The following SLC22A4 variants were observed in gnomAD, a reference collection of about 807,000 sequenced individuals.
The protein encoded by SLC22A4 is ET transporter.
A neutral mutation model predicts 56.6 loss-of-function variants in SLC22A4; 39 were observed. The ratio of observed to expected loss-of-function variants is 0.69; its 90% confidence interval spans 0.53 to 0.90. SLC22A4 has a LOEUF of 0.90. Ranked by LOEUF, SLC22A4 falls within the 40% of genes least tolerant of loss-of-function variation. SLC22A4 has a pLI of 0.00. For synonymous variants in SLC22A4, 241 were observed against 281.4 expected, an observed-to-expected ratio of 0.86 and a Z score of 1.44; for missense variants, 594 against 696.5, an observed-to-expected ratio of 0.85 and a Z score of 1.66.
At chr5:132,314,826 G>T (rs900958354) in intron 3 of SLC22A4, among the ~76,000 whole-genome samples, 1 of 152,158 alleles carries the variant, frequency 6.6e-6, no homozygotes, top group Admixed American at 6.5e-5. Context: ...AATTATTTGC[G>T]AAGAGCCCCG....
In SLC22A4 at chr5:132,343,805, A is replaced by C; in HGVS notation, c.1626A>C (p.Glu542Asp). 2 of 1,609,716 alleles carry C rather than the reference A, an allele frequency of 1.2e-6. No individual in the cohort carries two copies. Among genetic ancestry groups the C allele is most frequent in the Non-Finnish European group, 1.7e-6 (2 of 1,176,300 alleles). Reference protein sequence around the residue: ...KKTRDSMETEENPKVLITAF With the variant: ...KKTRDSMETEDNPKVLITAF Reference sequence around the variant, plus strand: ...CAAGAGACTCAATGGAGACAGAAGAAAATCCCAAGGTTCTAATAACTGCAT... The same window carrying C: ...CAAGAGACTCAATGGAGACAGAAGACAATCCCAAGGTTCTAATAACTGCAT... Residue 542 changes from glutamate to aspartate, a missense_variant, in exon 10 of 10, where the codon GAA becomes GAC. Glu to Asp is a conservative substitution (Grantham distance 45, BLOSUM62 2). Coordinates refer to ENST00000200652, the MANE Select transcript of SLC22A4 (RefSeq NM_003059.3).
At chr5:132,300,325 C>T (rs945122544) in intron 1 of SLC22A4, among the ~76,000 whole-genome samples, 4 of 152,142 alleles carry the variant, frequency 2.6e-5, no homozygotes, top group African/African-American at 9.7e-5. Context: ...TCCTCTGTCA[C>T]TAATAAATAT....
In SLC22A4 at chr5:132,294,774, C is replaced by T. The variant is rs531041134; in HGVS notation, c.158C>T (p.Pro53Leu). The change falls in exon 1 of 10, where the codon CCG becomes CTG. Residue 53 changes from proline (P) to leucine (L), a missense_variant. Physicochemically the swap from Pro to Leu is moderately conservative, Grantham distance 98. Coordinates refer to ENST00000200652, the MANE Select transcript of SLC22A4 (RefSeq NM_003059.3). This position sits in a 1 kb window ranked among gnomAD's most constrained non-coding sequence, Gnocchi z 5.6. ...ACCCCGGAGCACCGCTGTCGAGTGC[C>T]GGACGCCGCGAACCTGAGCAGCGCC... is the stretch of plus-strand genomic sequence containing the variant. The part of the protein sequence containing the change: ...AGTPEHRCRV[P>L]DAANLSSAWR... 11 of 1,613,520 alleles carry T rather than the reference C, an allele frequency of 6.8e-6. No individual in the cohort carries two copies. The African/African-American group carries it at 1.1e-4, about 16-fold the overall frequency.
chr5:132,340,810 T>G, intron 9 of SLC22A4, 110 bp downstream of exon 9: 16 of 1,090,900 alleles, frequency 1.5e-5, no homozygotes, highest in Non-Finnish European at 2.1e-5. Context: ...AGACTAGCTC[T>G]ATCAGATAAT....
chr5:132,320,308 C>T (rs779015062), intron 3 of SLC22A4, among the ~76,000 whole-genome samples: 2 of 152,232 alleles, frequency 1.3e-5, no homozygotes, highest in Non-Finnish European at 2.9e-5. Flanking sequence ...CTTGATCCTG[C>T]GCCCTTTCTC....
Position 132,312,148 on chromosome 5 carries a change from T to A in SLC22A4, c.394-13T>A. 1 of 1,555,506 alleles carries A rather than the reference T, an allele frequency of 6.4e-7. No individual in the cohort carries two copies. ...AGGGTTGGGCTCACGCTTCATGCTG[T>A]CTTCCTTGGCAGTGGAATCTGGTGT... On this transcript the variant is annotated splice_polypyrimidine_tract_variant and intron_variant, in intron 1 of 9. Transcript: ENST00000200652.
At chr5:132,304,387 C>T (rs1198051014) in intron 1 of SLC22A4, among the ~76,000 whole-genome samples, 2 of 152,186 alleles carry the variant, frequency 1.3e-5, no homozygotes, top group African/African-American at 2.4e-5. Context: ...GAGGCCAAGG[C>T]GGGTGGATCA....
At chr5:132,340,730 A>C (rs1751192806) in intron 9 of SLC22A4, 30 bp downstream of exon 9, 2 of 1,604,622 alleles carry the variant, frequency 1.2e-6, no homozygotes, top group East Asian at 4.5e-5. Context: ...AAATGATACC[A>C]AAATGCCTTA....
At chr5:132,343,031 C>T (rs1321034822) in intron 9 of SLC22A4, among the ~76,000 whole-genome samples, 1 of 152,180 alleles carries the variant, frequency 6.6e-6, no homozygotes, top group Non-Finnish European at 1.5e-5. Context: ...TATCTAAGGG[C>T]CCAGCCAAGG....
intron 7 of SLC22A4, 85 bp from the exon 8 acceptor site, chr5:132,335,733 G>A: frequency 1.7e-6 from 2 of 1,150,448 alleles, no homozygotes; most frequent in Non-Finnish European, 2.6e-6. Flanking sequence ...TACTCCCACT[G>A]AAGCAAAAAG....
At chr5:132,328,441 T>C (rs1429954402) in intron 5 of SLC22A4, among the ~76,000 whole-genome samples, 3 of 152,212 alleles carry the variant, frequency 2.0e-5, no homozygotes, top group Non-Finnish European at 4.4e-5. Flanking sequence ...CAGAAGCAGA[T>C]ACTCTGGCTA....
intron 1 of SLC22A4, among the ~76,000 whole-genome samples, chr5:132,297,429 C>G (rs35970584): frequency 6.6e-6 from 1 of 152,206 alleles, no homozygotes; most frequent in African/African-American, 2.4e-5. Flanking sequence ...GGCTCTCCCC[C>G]AGAGGGGCGG....
In SLC22A4 at chr5:132,324,070, T is replaced by C. The variant is rs542699306; in HGVS notation, c.824+1715T>C. ...AGCTGGGTGCAGTGGTGAGCGCCTG[T>C]AGTCCCAGCTACTTAGGAGGCAGAG... On this transcript the variant is annotated intron_variant, in intron 4 of 9. Transcript: ENST00000200652. Among the ~76,000 whole-genome samples, 41 of 152,228 alleles carry C rather than the reference T, an allele frequency of 2.7e-4. 1 individual carries two copies. In the East Asian group the frequency reaches 7.9e-3, roughly 29 times the overall value.
chr5:132,306,134 T>C (rs1373753018), intron 1 of SLC22A4, among the ~76,000 whole-genome samples: 1 of 151,912 alleles, frequency 6.6e-6, no homozygotes, highest in East Asian at 1.9e-4. Context: ...GCTGTTGGGA[T>C]TGTAAAATGG....
At chr5:132,313,536 T>C (rs1243620499) in intron 2 of SLC22A4, 78 bp from the exon 3 acceptor site, 8 of 1,326,922 alleles carry the variant, frequency 6.0e-6, no homozygotes, top group African/African-American at 1.4e-5. Flanking sequence ...TAAGTCTGCA[T>C]TGATGCCTGA....
chr5:132,324,416 C>G (rs1219334643), intron 4 of SLC22A4: 1 of 439,810 alleles, frequency 2.3e-6, no homozygotes, highest in Non-Finnish European at 4.7e-6. Flanking sequence ...CCACAGGGAG[C>G]CTGCTCACTG....
chr5:132,335,684 G>A, intron 7 of SLC22A4, 134 bp from the exon 8 acceptor site: 1 of 784,824 alleles, frequency 1.3e-6, no homozygotes, highest in Non-Finnish European at 2.2e-6. Flanking sequence ...CATTTGAAGA[G>A]AAAATGCTAT....
At chr5:132,323,533 G>T (rs1750601734) in intron 4 of SLC22A4, among the ~76,000 whole-genome samples, 1 of 152,206 alleles carries the variant, frequency 6.6e-6, no homozygotes, top group Non-Finnish European at 1.5e-5. Flanking sequence ...TAAAGGTTAT[G>T]TATTATTCTG....
intron 1 of SLC22A4, among the ~76,000 whole-genome samples, chr5:132,309,177 T>C (rs1467138019): frequency 6.6e-6 from 1 of 152,222 alleles, no homozygotes. Flanking sequence ...TGGCAGCTGA[T>C]TTACTGGACT....
Sources: gnomAD v4.1 joint callset for allele counts (sites outside exome capture counted in the v4.1 genomes callset) on GRCh38, gnomAD v4.1.1 for gene constraint, Gnocchi (gnomAD v3.1) non-coding constraint, MANE v1.5 for transcripts, NCBI Gene and HGNC (gene_info 2026-07-23, HGNC 2026-07-21) for gene names.